USP3: variants seen among roughly 807,000 people sequenced by gnomAD.
The protein encoded by USP3 is ubiquitin specific peptidase 3, also known as ubiquitin carboxyl-terminal hydrolase 3.
USP3 carries 20 observed loss-of-function variants against 72.3 expected under a neutral mutation model. The observed-to-expected ratio is 0.28, with a 90% confidence interval of 0.19 to 0.40. The LOEUF (loss-of-function observed/expected upper bound fraction) is 0.40, where lower values mean the gene tolerates loss of function less well. Among genes scored for constraint, USP3 ranks in the 10% least tolerant of loss-of-function variants. USP3 has a pLI of 1.00. For missense variants in USP3, 479 were observed against 633.9 expected (o/e 0.76, Z 2.62); for synonymous variants, 222 against 225.3 (o/e 0.99, Z 0.13).
Position 63,545,993 on chromosome 15 carries a change from A to C in USP3, c.285-7722A>C, listed in dbSNP as rs1329357073. Among the ~76,000 whole-genome samples the C allele has an allele frequency of 2.0e-5, 3 of 149,708 alleles. No individual in the cohort carries two copies. The East Asian group carries it at 5.8e-4, about 29-fold the overall frequency. On this transcript the variant is annotated intron_variant, in intron 3 of 14. Transcript: ENST00000380324. ...CTCAAAAAAAAAAAAAAAAAAAAAA[A>C]AACAGTAGAGCTCATCTTTTCTTGA...
Position 63,544,848 on chromosome 15 carries a change from T to C in USP3, c.284+7692T>C. ...GGAGATAAGAATATCTAAGCAAGGCTGACATTGTGGGGACCATCAAATACT... is the reference window on the plus strand; with the variant it reads ...GGAGATAAGAATATCTAAGCAAGGCCGACATTGTGGGGACCATCAAATACT... On this transcript the variant is annotated intron_variant, in intron 3 of 14. Coordinates refer to ENST00000380324, the MANE Select transcript of USP3 (RefSeq NM_006537.4). This position sits in a 1 kb window ranked among gnomAD's most constrained non-coding sequence, Gnocchi z 4.2. The C allele has an allele frequency of 1.5e-6, 1 of 646,602 alleles. No individual in the cohort carries two copies. Among genetic ancestry groups the C allele is most frequent in the Admixed American group, 2.5e-5 (1 of 40,594 alleles). 40.1% of individuals were successfully genotyped at this position (646,602 alleles called of 1,614,324 possible).
chr15:63,512,307 CTT>C (rs2065795758), intron 1 of USP3, among the ~76,000 whole-genome samples: 4 of 141,742 alleles, frequency 2.8e-5, no homozygotes, highest in Non-Finnish European at 3.0e-5. Flanking sequence ...TCTTCCTCCT[CTT>C]CTTCTTCTTC....
chr15:63,534,178 A>G (rs2066118841), intron 2 of USP3, among the ~76,000 whole-genome samples: 2 of 152,102 alleles, frequency 1.3e-5, no homozygotes, highest in South Asian at 4.1e-4. Context: ...GAGAAATGTG[A>G]TGAAGTAGAT....
chr15:63,553,915 T>G lies in USP3; in HGVS notation c.368+117T>G, dbSNP rs2066470320. On this transcript the variant is annotated intron_variant, in intron 4 of 14. Coordinates refer to ENST00000380324, the MANE Select transcript of USP3 (RefSeq NM_006537.4). The surrounding 1 kb of genome is among the most constrained non-coding windows in gnomAD (Gnocchi z 4.2). Reference sequence around the variant, plus strand: ...AATAACTTCATGTTTATAATATGATTGAAATGTTAATAAAATAAACCTTGG... The same window carrying G: ...AATAACTTCATGTTTATAATATGATGGAAATGTTAATAAAATAAACCTTGG... 1.4e-6 allele frequency: 1 copy of G among 733,882 alleles called. No individual in the cohort carries two copies. The highest frequency in any genetic ancestry group is 3.5e-5 in the Admixed American group (1 of 28,906). 45.5% of individuals were successfully genotyped at this position (733,882 alleles called of 1,614,324 possible). A position where few individuals can be genotyped will look rare whatever the true frequency, so the allele number is the denominator to read the frequency against.
chr15:63,532,450 G>A (rs2066090591), intron 1 of USP3, 197 bp from the exon 2 acceptor site: 1 of 631,690 alleles, frequency 1.6e-6, no homozygotes, highest in African/African-American at 1.8e-5. Context: ...AGCCGCTGTT[G>A]TGGACATGCA....
At chr15:63,534,042 A>G (rs1005112240) in intron 2 of USP3, 3 of 228,964 alleles carry the variant, frequency 1.3e-5, no homozygotes, top group African/African-American at 2.3e-5. Flanking sequence ...AAAATTAGAG[A>G]TTAATGTTCT....
chr15:63,568,629 T>C (rs1260892256), intron 8 of USP3, among the ~76,000 whole-genome samples: 1 of 152,204 alleles, frequency 6.6e-6, no homozygotes, highest in Non-Finnish European at 1.5e-5. Context: ...TAGAAAATGA[T>C]TGAAAAGATA....
At chr15:63,557,372 C>T (rs1336661204) in intron 5 of USP3, among the ~76,000 whole-genome samples, 1 of 152,092 alleles carries the variant, frequency 6.6e-6, no homozygotes, top group East Asian at 1.9e-4. Context: ...AAGCAATTCT[C>T]CTGCCTCAAC....
At chr15:63,540,809 TTGAAAA>T (rs1473660455) in intron 3 of USP3, among the ~76,000 whole-genome samples, 3 of 152,196 alleles carry the variant, frequency 2.0e-5, no homozygotes, top group African/African-American at 7.2e-5. Context: ...GCACATTAAC[TTGAAAA>T]TGAAAGGTAA....
rs1342299901 is a variant in USP3 at position 63,592,450 on chromosome 15, T to G, written c.*1624T>G. The G allele has an allele frequency of 7.3e-6, 1 of 137,266 alleles. No homozygotes were observed. The highest frequency in any genetic ancestry group is 2.2e-4 in the East Asian group (1 of 4,474). 8.5% of individuals were successfully genotyped at this position (137,266 alleles called of 1,614,324 possible). On this transcript the variant is annotated 3_prime_UTR_variant, in exon 15 of 15. Coordinates refer to ENST00000380324, the MANE Select transcript of USP3 (RefSeq NM_006537.4). ...TAAGCCAACGAGACTTTCTGGCAAT[T>G]TTTTTTTTTTTTTTTTAATGGAGTC...
Position 63,504,683 on chromosome 15 carries a change from GC to G in USP3, c.-52del. The G allele has an allele frequency of 2.1e-6, 3 of 1,455,004 alleles. No individual in the cohort carries two copies. The highest frequency in any genetic ancestry group is 1.3e-5 in the South Asian group (1 of 77,496). The allele number at this position is 1,455,004 out of a possible 1,614,324, so 90.1% of individuals were successfully genotyped here. Reference sequence around the variant, plus strand: ...CAGACGGAGCCTCCGGAGTTCCTCCGCCCCCACCTCGCCGGGTCCTGGAGCC... The same window carrying G: ...CAGACGGAGCCTCCGGAGTTCCTCCGCCCCACCTCGCCGGGTCCTGGAGCC... On this transcript the variant is annotated 5_prime_UTR_variant, in exon 1 of 15. Transcript: ENST00000380324.
At chr15:63,576,285 C>G (rs2066862535) in intron 11 of USP3, among the ~76,000 whole-genome samples, 2 of 152,312 alleles carry the variant, frequency 1.3e-5, no homozygotes, top group South Asian at 4.1e-4. Flanking sequence ...CCGCACCCAG[C>G]CTGAACAGTA....
intron 3 of USP3, among the ~76,000 whole-genome samples, chr15:63,549,781 A>G (rs78499295): frequency 0.065 from 9,892 of 152,282 alleles, 378 homozygotes; most frequent in Non-Finnish European, 0.082. Context: ...GAGATTTCTA[A>G]AAATCTATTC....
intron 3 of USP3, among the ~76,000 whole-genome samples, chr15:63,538,300 G>T (rs2066189955): frequency 6.6e-6 from 1 of 152,134 alleles, no homozygotes; most frequent in Admixed American, 6.5e-5. Flanking sequence ...GACATTAAAG[G>T]AGGGGATATA....
chr15:63,513,195 C>T (rs1312946124), intron 1 of USP3, among the ~76,000 whole-genome samples: 2 of 152,102 alleles, frequency 1.3e-5, no homozygotes, highest in East Asian at 3.8e-4. Context: ...TATCCTTCAC[C>T]CACCCTGAAG....
intron 11 of USP3, among the ~76,000 whole-genome samples, chr15:63,582,117 T>G (rs1044387965): frequency 6.6e-6 from 1 of 152,234 alleles, no homozygotes; most frequent in African/African-American, 2.4e-5. Flanking sequence ...TCAGAAATTT[T>G]ATGTTTAGAA....
At chr15:63,510,707 C>T (rs1003658703) in intron 1 of USP3, among the ~76,000 whole-genome samples, 10 of 152,106 alleles carry the variant, frequency 6.6e-5, no homozygotes, top group Admixed American at 5.2e-4. Flanking sequence ...TGTGATTAAG[C>T]TTACCTTGAT....
chr15:63,533,843 T>C, intron 2 of USP3: 2 of 1,234,412 alleles, frequency 1.6e-6, no homozygotes, highest in African/African-American at 3.2e-5. Context: ...GATAACTTTT[T>C]TTTAAAAAAG....
chr15:63,527,485 T>G (rs1026496969), intron 1 of USP3, among the ~76,000 whole-genome samples: 3 of 152,132 alleles, frequency 2.0e-5, no homozygotes, highest in Non-Finnish European at 4.4e-5. Context: ...AGTGATGAAG[T>G]TGTGTCATAA....
Sources: gnomAD v4.1 joint callset for allele counts (sites outside exome capture counted in the v4.1 genomes callset) on GRCh38, gnomAD v4.1.1 for gene constraint, Gnocchi (gnomAD v3.1) non-coding constraint, MANE v1.5 for transcripts, NCBI Gene and HGNC (gene_info 2026-07-23, HGNC 2026-07-21) for gene names.